The following ATP9A variants were observed in gnomAD, a reference collection of about 807,000 sequenced individuals.
The protein encoded by ATP9A is probable phospholipid-transporting ATPase IIA.
ATP9A carries 52 observed loss-of-function variants against 144.1 expected under a neutral mutation model. The ratio of observed to expected loss-of-function variants is 0.36; its 90% confidence interval spans 0.29 to 0.45. The LOEUF is 0.45. Among genes scored for constraint, ATP9A ranks in the 20% least tolerant of loss-of-function variants. ATP9A has a pLI of 1.00. For synonymous variants in ATP9A, 582 were observed against 557.4 expected (o/e 1.04, Z -0.62); for missense variants, 947 against 1,392.7 (o/e 0.68, Z 5.09).
intron 1 of ATP9A, among the ~76,000 whole-genome samples, chr20:51,749,905 GGGAGAT>G (rs1176274575): frequency 6.6e-6 from 1 of 151,978 alleles, no homozygotes; most frequent in Non-Finnish European, 1.5e-5. Context: ...CCAGCACTTT[GGGAGAT>G]AGGCAGATGG....
intron 9 of ATP9A, among the ~76,000 whole-genome samples, chr20:51,680,084 T>C (rs2077493678): frequency 6.6e-6 from 1 of 151,890 alleles, no homozygotes; most frequent in South Asian, 2.1e-4. Context: ...ATAAAAATTA[T>C]ACAGGCGTGG....
At chr20:51,622,288 C>T (rs2077230226) in intron 18 of ATP9A, 116 bp from the exon 19 acceptor site, 1 of 806,078 alleles carries the variant, frequency 1.2e-6, no homozygotes, top group Non-Finnish European at 2.1e-6. Flanking sequence ...CGTTTACCTC[C>T]TGCCGACTCA....
Position 51,599,054 on chromosome 20 carries a change from C to A in ATP9A, c.*2157G>T, listed in dbSNP as rs1023239853. 2 of 152,208 alleles carry A rather than the reference C, an allele frequency of 1.3e-5. No individual in the cohort carries two copies. Among genetic ancestry groups the A allele is most frequent in the African/African-American group, 4.8e-5 (2 of 41,444 alleles). 9.4% of individuals were successfully genotyped at this position (152,208 alleles called of 1,614,324 possible). A position where few individuals can be genotyped will look rare whatever the true frequency, so the allele number is the denominator to read the frequency against. On this transcript the variant is annotated 3_prime_UTR_variant, in exon 28 of 28. Transcript: ENST00000338821. ...TGGCTTTAAAAGTCAACTTGTGCAC[C>A]TCAATCAAAATTGAGAATTAAGGAA...
chr20:51,674,597 AAAG>A (rs770267421), intron 10 of ATP9A, among the ~76,000 whole-genome samples: 1 of 152,214 alleles, frequency 6.6e-6, no homozygotes, highest in South Asian at 2.1e-4. Flanking sequence ...GTTTACAACT[AAAG>A]AAGATTTACA....
At chr20:51,645,523 A>G (rs2077338503) in intron 14 of ATP9A, among the ~76,000 whole-genome samples, 1 of 122,236 alleles carries the variant, frequency 8.2e-6, no homozygotes. Context: ...ACAAACAAAC[A>G]AACAAAAACA....
At chr20:51,660,078 CT>C (rs761116825) in intron 13 of ATP9A, among the ~76,000 whole-genome samples, 1 of 152,046 alleles carries the variant, frequency 6.6e-6, no homozygotes, top group African/African-American at 2.4e-5. Context: ...ATCGAGAACC[CT>C]TTTTTTAAAA....
chr20:51,685,237 G>A (rs1041594869), intron 9 of ATP9A, among the ~76,000 whole-genome samples: 1 of 151,984 alleles, frequency 6.6e-6, no homozygotes, highest in African/African-American at 2.4e-5. Context: ...TGGGTGAATC[G>A]AAACATAAAA....
chr20:51,626,509 G>C (rs941478712), intron 17 of ATP9A, among the ~76,000 whole-genome samples: 5 of 139,496 alleles, frequency 3.6e-5, no homozygotes, highest in Non-Finnish European at 8.0e-5. Flanking sequence ...AAAAAAAAAA[G>C]AAAAGAAATT....
At chr20:51,613,598 G>C in intron 23 of ATP9A, 79 bp downstream of exon 23, 1 of 1,417,416 alleles carries the variant, frequency 7.1e-7, no homozygotes, top group Admixed American at 2.2e-5. Context: ...ACATGTACAT[G>C]TGCAGAGGGA....
chr20:51,727,879 C>T (rs1260715188), intron 2 of ATP9A, among the ~76,000 whole-genome samples: 2 of 151,046 alleles, frequency 1.3e-5, no homozygotes, highest in African/African-American at 2.4e-5. Context: ...TGCAGTGAGC[C>T]GAGATCACGC....
chr20:51,686,029 T>C (rs1019509615), intron 9 of ATP9A, among the ~76,000 whole-genome samples: 1 of 152,180 alleles, frequency 6.6e-6, no homozygotes, highest in Admixed American at 6.5e-5. Context: ...TAGAATTCTA[T>C]GCAGCCATAA....
intron 9 of ATP9A, among the ~76,000 whole-genome samples, chr20:51,687,339 G>A (rs868245441): frequency 7.9e-5 from 12 of 152,172 alleles, no homozygotes; most frequent in African/African-American, 2.7e-4. Context: ...AAGGGAGAGT[G>A]CACCTCTGCC....
intron 9 of ATP9A, among the ~76,000 whole-genome samples, chr20:51,687,263 A>G (rs192466834): frequency 1.2e-4 from 19 of 152,266 alleles, no homozygotes; most frequent in Admixed American, 1.2e-3. Context: ...GGGGACTGAG[A>G]GACGTACCAA....
intron 1 of ATP9A, among the ~76,000 whole-genome samples, chr20:51,759,701 T>A (rs1355978619): frequency 6.6e-6 from 1 of 151,532 alleles, no homozygotes; most frequent in Non-Finnish European, 1.5e-5. Context: ...TAAATAAAAT[T>A]AAAAAATAAA....
At chr20:51,615,021 TA>T (rs11477449) in intron 22 of ATP9A, among the ~76,000 whole-genome samples, 72,076 of 144,672 alleles carry the variant, frequency 0.5, 18,062 homozygotes, top group African/African-American at 0.62. Context: ...ATATCAATGT[TA>T]ACACGGGGTT....
In ATP9A at chr20:51,723,903, T is replaced by A. The variant is rs187887024; in HGVS notation, c.327+1916A>T. ...AATAAAAATAGAGCCAGGTGCAGTG[T>A]CTCACGCCTATAATCCCAGCACTTT... On this transcript the variant is annotated intron_variant, in intron 3 of 27. Coordinates refer to ENST00000338821, the MANE Select transcript of ATP9A (RefSeq NM_006045.3). Among the ~76,000 whole-genome samples the A allele has an allele frequency of 4.9e-3, 742 of 152,174 alleles. 6 individuals are homozygous for A. Among genetic ancestry groups the A allele is most frequent in the Middle Eastern group, 0.027 (8 of 294 alleles).
chr20:51,635,080 G>A (rs890595133), intron 15 of ATP9A, among the ~76,000 whole-genome samples: 1 of 152,196 alleles, frequency 6.6e-6, no homozygotes, highest in African/African-American at 2.4e-5. Context: ...ACAGCATGAG[G>A]CTGACGTGAG....
chr20:51,674,425 C>A, intron 10 of ATP9A, 112 bp from the exon 11 acceptor site: 1 of 1,102,236 alleles, frequency 9.1e-7, no homozygotes, highest in Non-Finnish European at 1.3e-6. Flanking sequence ...CTAACTCAGC[C>A]TGCCGGAGAG....
rs1555833856 is a variant in ATP9A, at chr20:51,658,895, G to GGGGT, written c.1294-1746_1294-1745insACCC. Among the ~76,000 whole-genome samples, 9 of 117,532 alleles carry GGGGT rather than the reference G, an allele frequency of 7.7e-5. 1 individual carries two copies. The highest frequency in any genetic ancestry group is 3.1e-4 in the African/African-American group (9 of 28,746). The allele number at this position is 117,532 out of a possible 152,430, so 77.1% of individuals were successfully genotyped here. A position where few individuals can be genotyped will look rare whatever the true frequency, so the allele number is the denominator to read the frequency against. On this transcript the variant is annotated intron_variant, in intron 13 of 27. Transcript: ENST00000338821. ...GAAAATTAAGACCACTGGCGGGGGG[G>GGGGT]GGGGGGGGAAGGCTCATTGTTGAAC...
Sources: allele counts gnomAD v4.1 joint callset (sites outside exome capture counted in the v4.1 genomes callset), GRCh38; gene constraint gnomAD v4.1.1; transcripts MANE v1.5; gene names NCBI Gene and HGNC (gene_info 2026-07-23, HGNC 2026-07-21).